The following SLC9A9 variants were observed in gnomAD, a reference collection of about 807,000 sequenced individuals.
The protein encoded by SLC9A9 is solute carrier family 9 member A9, also known as sodium/hydrogen exchanger 9.
A neutral mutation model predicts 77.8 loss-of-function variants in SLC9A9; 62 were observed. That is an observed-to-expected ratio of 0.80 (90% CI 0.65 to 0.98). The LOEUF (loss-of-function observed/expected upper bound fraction) is 0.98, where lower values mean the gene tolerates loss of function less well. SLC9A9 is among the 50% of genes least tolerant of loss of function. The pLI is 0.00. For synonymous variants in SLC9A9, 320 were observed against 283.5 expected (o/e 1.13, Z -1.29); for missense variants, 775 against 774.9 (o/e 1.00, Z 0.00).
chr3:143,834,879 G>A (rs1369492108), intron 1 of SLC9A9, among the ~76,000 whole-genome samples: 1 of 152,100 alleles, frequency 6.6e-6, no homozygotes, highest in Non-Finnish European at 1.5e-5. Flanking sequence ...TCAGATAGAT[G>A]AAAATGTACC....
chr3:143,806,098 C>T (rs187101169), intron 2 of SLC9A9, among the ~76,000 whole-genome samples: 93 of 150,998 alleles, frequency 6.2e-4, no homozygotes, highest in African/African-American at 2.2e-3. Context: ...CCCTACCCCC[C>T]GTCCCCCACC....
chr3:143,365,035 A>G (rs2032860205), intron 13 of SLC9A9, among the ~76,000 whole-genome samples: 2 of 152,246 alleles, frequency 1.3e-5, no homozygotes, highest in South Asian at 4.1e-4. Flanking sequence ...CTAAATGCCC[A>G]TCAATGGTAG....
chr3:143,326,222 C>T (rs563911522), intron 14 of SLC9A9, among the ~76,000 whole-genome samples: 81 of 152,176 alleles, frequency 5.3e-4, no homozygotes, highest in African/African-American at 1.8e-3. Context: ...TTGCCTAATA[C>T]AACAGCCTGC....
intron 11 of SLC9A9, among the ~76,000 whole-genome samples, chr3:143,488,897 T>C (rs2035696500): frequency 6.6e-6 from 1 of 151,842 alleles, no homozygotes; most frequent in South Asian, 2.1e-4. Context: ...CCAGAGCAAT[T>C]AATCATGAGA....
chr3:143,404,021 C>T (rs2033916509), intron 12 of SLC9A9, among the ~76,000 whole-genome samples: 1 of 151,746 alleles, frequency 6.6e-6, no homozygotes, highest in Admixed American at 6.6e-5. Flanking sequence ...TTATTTTGTT[C>T]TTCTGATTAT....
intron 6 of SLC9A9, among the ~76,000 whole-genome samples, chr3:143,631,758 C>T (rs1403097478): frequency 1.3e-5 from 2 of 152,170 alleles, no homozygotes; most frequent in African/African-American, 4.8e-5. Flanking sequence ...AATATTCCTA[C>T]ATCTTCCAGT....
At chr3:143,769,817 G>T (rs2007455224) in intron 4 of SLC9A9, among the ~76,000 whole-genome samples, 1 of 152,120 alleles carries the variant, frequency 6.6e-6, no homozygotes, top group African/African-American at 2.4e-5. Context: ...ACTCAAGGAT[G>T]GATGATGTTT....
intron 1 of SLC9A9, among the ~76,000 whole-genome samples, chr3:143,835,765 T>C (rs2009552550): frequency 6.6e-6 from 1 of 152,220 alleles, no homozygotes. Flanking sequence ...ACCACTCTTG[T>C]TGGTAAACCA....
At chr3:143,298,915 A>G (rs1249772772) in intron 14 of SLC9A9, among the ~76,000 whole-genome samples, 1 of 152,200 alleles carries the variant, frequency 6.6e-6, no homozygotes, top group Non-Finnish European at 1.5e-5. Context: ...TGAGGCCACC[A>G]TTGAGTTTGT....
intron 14 of SLC9A9, among the ~76,000 whole-genome samples, chr3:143,275,173 T>C (rs1300405358): frequency 6.6e-6 from 1 of 152,252 alleles, no homozygotes; most frequent in Non-Finnish European, 1.5e-5. Flanking sequence ...CATTGGCTTA[T>C]ACTTTGAGCA....
At chr3:143,333,556 CT>C (rs2031837847) in intron 14 of SLC9A9, among the ~76,000 whole-genome samples, 2 of 152,216 alleles carry the variant, frequency 1.3e-5, no homozygotes, top group African/African-American at 4.8e-5. Context: ...AGCCAGCAGG[CT>C]GCTTCCTGAC....
At chr3:143,515,673 AT>A (rs1264440846) in intron 9 of SLC9A9, among the ~76,000 whole-genome samples, 1 of 152,122 alleles carries the variant, frequency 6.6e-6, no homozygotes, top group African/African-American at 2.4e-5. Flanking sequence ...TTTTCTCTTC[AT>A]TTGTTAATGT....
intron 4 of SLC9A9, among the ~76,000 whole-genome samples, chr3:143,713,702 C>T (rs746328680): frequency 3.3e-5 from 5 of 152,042 alleles, no homozygotes; most frequent in Non-Finnish European, 5.9e-5. Flanking sequence ...TTGCCATGGT[C>T]AGGGGGAAGT....
chr3:143,408,591 T>C (rs967822099), intron 12 of SLC9A9, among the ~76,000 whole-genome samples: 23 of 152,226 alleles, frequency 1.5e-4, no homozygotes, highest in Admixed American at 1.1e-3. Context: ...TTCAGATACC[T>C]GAACCTTTTC....
chr3:143,691,209 A>C (rs983563224), intron 5 of SLC9A9, among the ~76,000 whole-genome samples: 2 of 152,050 alleles, frequency 1.3e-5, no homozygotes, highest in Non-Finnish European at 2.9e-5. Context: ...ACCGAAGTGC[A>C]CCATTACACA....
At chr3:143,387,682 T>A (rs2033460065) in intron 12 of SLC9A9, among the ~76,000 whole-genome samples, 1 of 152,130 alleles carries the variant, frequency 6.6e-6, no homozygotes, top group Non-Finnish European at 1.5e-5. Context: ...ACACATCTCT[T>A]GTGCACCATA....
chr3:143,570,947 G>A lies in SLC9A9; in HGVS notation c.1000+3141C>T, dbSNP rs146186383. On this transcript the variant is annotated intron_variant, in intron 8 of 15. Transcript: ENST00000316549. ...TGAGTATGGATTACCTTGGGTGTAC[G>A]AAAAAAATAAAATATATTTAAAAAC... Among the ~76,000 whole-genome samples the A allele has an allele frequency of 1.8e-3, 276 of 151,974 alleles. 5 individuals are homozygous for A. In the East Asian group the frequency reaches 0.032, roughly 18 times the overall value.
chr3:143,837,583 C>T (rs73869039), intron 1 of SLC9A9, among the ~76,000 whole-genome samples: 2,893 of 152,144 alleles, frequency 0.019, 87 homozygotes, highest in African/African-American at 0.06. Flanking sequence ...TCCTATTGAT[C>T]GCCAGCCCAA....
intron 12 of SLC9A9, among the ~76,000 whole-genome samples, chr3:143,426,912 G>A (rs1024663434): frequency 6.6e-6 from 1 of 152,196 alleles, no homozygotes; most frequent in Non-Finnish European, 1.5e-5. Flanking sequence ...ACTAGGCCAT[G>A]GCTATAGAAC....
Sources: gnomAD v4.1 joint callset for allele counts (sites outside exome capture counted in the v4.1 genomes callset) on GRCh38, gnomAD v4.1.1 for gene constraint, MANE v1.5 for transcripts, NCBI Gene and HGNC (gene_info 2026-07-23, HGNC 2026-07-21) for gene names.